The following MEGF8 variants were observed in gnomAD, a reference collection of about 807,000 sequenced individuals.
The protein encoded by MEGF8 is multiple EGF like domains 8.
MEGF8 carries 156 observed loss-of-function variants against 302.9 expected under a neutral mutation model. That is an observed-to-expected ratio of 0.52 (90% CI 0.45 to 0.59). MEGF8 has a LOEUF of 0.59. MEGF8 is among the 20% of genes least tolerant of loss of function. The pLI is 0.00. For synonymous variants in MEGF8, 1,621 were observed against 1,660.5 expected (o/e 0.98, Z 0.58); for missense variants, 3,345 against 3,964.5 (o/e 0.84, Z 4.20).
Position 42,358,314 on chromosome 19 carries a change from A to T in MEGF8, c.5175+7A>T. 1 of 1,597,190 alleles carries T rather than the reference A, an allele frequency of 6.3e-7. No individual in the cohort carries two copies. Among genetic ancestry groups the T allele is most frequent in the Non-Finnish European group, 8.5e-7 (1 of 1,172,342 alleles). ...CCCTTCTCAGGGGGCAAAGGTCAGG[A>T]AAAGAGGCTCAGACCCAAGGATGTA... On this transcript the variant is annotated splice_region_variant and intron_variant, in intron 29 of 41. Transcript: ENST00000251268. The surrounding 1 kb of genome is among the most constrained non-coding windows in gnomAD (Gnocchi z 4.4).
In MEGF8 at chr19:42,349,845, C is replaced by T. The variant is rs867827067; in HGVS notation, c.2499+146C>T. 6 of 814,648 alleles carry T rather than the reference C, an allele frequency of 7.4e-6. No individual in the cohort carries two copies. In the South Asian group the frequency reaches 1.0e-4, roughly 14 times the overall value. The allele number at this position is 814,648 out of a possible 1,614,324, so 50.5% of individuals were successfully genotyped here. ...CTCTTGGCCTCTGAACTCTGGACCTCCTCTTGAACCCTGTGGCCCCTGACC... is the reference window on the plus strand; with the variant it reads ...CTCTTGGCCTCTGAACTCTGGACCTTCTCTTGAACCCTGTGGCCCCTGACC... On this transcript the variant is annotated intron_variant, in intron 14 of 41. Transcript: ENST00000251268.
Position 42,326,115 on chromosome 19 carries a change from A to C in MEGF8, c.-129A>C. ...TCGCCGGGACTGCCGGGTCTCCGGG[A>C]CCTCTTCGATCTACAAGGTCATGTT... On this transcript the variant is annotated 5_prime_UTR_variant, in exon 1 of 42. Coordinates refer to ENST00000251268, the MANE Select transcript of MEGF8 (RefSeq NM_001271938.2). 7.4e-7 allele frequency: 1 copy of C among 1,345,492 alleles called. No homozygotes were observed. Among genetic ancestry groups the C allele is most frequent in the Non-Finnish European group, 9.6e-7 (1 of 1,045,608 alleles). 83.3% of individuals were successfully genotyped at this position (1,345,492 alleles called of 1,614,324 possible).
chr19:42,361,186 C>G (rs1369874203), intron 32 of MEGF8, among the ~76,000 whole-genome samples, 180 bp downstream of exon 32: 1 of 152,194 alleles, frequency 6.6e-6, no homozygotes, highest in Non-Finnish European at 1.5e-5. Flanking sequence ...GGACTGGGGT[C>G]TCATGCAAGA....
intron 1 of MEGF8, 94 bp from the exon 2 acceptor site, chr19:42,333,511 G>A (rs1009998767): frequency 7.3e-7 from 1 of 1,370,722 alleles, no homozygotes; most frequent in East Asian, 2.3e-5. Flanking sequence ...AGCATCACCT[G>A]GATCAGGGTT....
chr19:42,351,864 A>G lies in MEGF8; in HGVS notation c.3101+103A>G. 1 of 931,342 alleles carries G rather than the reference A, an allele frequency of 1.1e-6. No individual in the cohort carries two copies. Among genetic ancestry groups the G allele is most frequent in the East Asian group, 2.7e-5 (1 of 37,564 alleles). 57.7% of individuals were successfully genotyped at this position (931,342 alleles called of 1,614,324 possible). On this transcript the variant is annotated intron_variant, in intron 18 of 41. Transcript: ENST00000251268. This position sits in a 1 kb window ranked among gnomAD's most constrained non-coding sequence, Gnocchi z 5.6. The stretch of plus-strand genomic sequence containing the variant: ...GCTTCTCTGCCCTCTTGCCCATCCC[A>G]TGGCCACCTTCCCTTTTCCGTACTG...
rs773339356 is a variant in MEGF8, at chr19:42,368,913, C to T, written c.6552C>T (p.Asn2184=). The change falls in exon 37 of 42, where the codon AAC becomes AAT. Residue 2184 remains asparagine (N), a synonymous_variant. Transcript: ENST00000251268. This position sits in a 1 kb window ranked among gnomAD's most constrained non-coding sequence, Gnocchi z 4.9. ...GCCCCCCTGAGGACGAGTGTGCAAA[C>T]GGGCACCACGACTGCAACGAGACGC... ...LSCPPEDECA[N]GHHDCNETQN... The T allele has an allele frequency of 1.2e-5, 19 of 1,613,908 alleles. No homozygotes were observed. Among genetic ancestry groups the T allele is most frequent in the South Asian group, 2.2e-5 (2 of 91,090 alleles).
chr19:42,359,347 C>T (rs926469509), intron 31 of MEGF8, 105 bp downstream of exon 31: 9 of 1,080,332 alleles, frequency 8.3e-6, no homozygotes, highest in Non-Finnish European at 1.2e-6. Flanking sequence ...CCCTGCAGAC[C>T]CACTGGCAGA....
intron 1 of MEGF8, among the ~76,000 whole-genome samples, chr19:42,328,590 G>GTGTGT (rs57025235): frequency 4.0e-5 from 6 of 151,672 alleles, no homozygotes; most frequent in East Asian, 1.9e-4. Context: ...GTGTGTGTGT[G>GTGTGT]GCGAAGGGGT....
Position 42,344,301 on chromosome 19 carries a change from A to G in MEGF8, c.1789-140A>G, listed in dbSNP as rs1426872961. 5.2e-6 allele frequency: 5 copies of G among 968,302 alleles called. No homozygotes were observed. The African/African-American group carries it at 7.6e-5, about 15-fold the overall frequency. The allele number at this position is 968,302 out of a possible 1,614,324, so 60.0% of individuals were successfully genotyped here. A position where few individuals can be genotyped will look rare whatever the true frequency, so the allele number is the denominator to read the frequency against. ...CATCCCCGCATCCCCCGTCCTCTGG[A>G]TCTCCCACATTCCAAGTCAACTCCC... On this transcript the variant is annotated intron_variant, in intron 10 of 41. Transcript: ENST00000251268. This position sits in a 1 kb window ranked among gnomAD's most constrained non-coding sequence, Gnocchi z 4.5.
chr19:42,350,303 G>A lies in MEGF8; in HGVS notation c.2655G>A (p.Gly885=). The A allele has an allele frequency of 3.1e-6, 5 of 1,608,994 alleles. No individual in the cohort carries two copies. The South Asian group carries it at 3.3e-5, about 11-fold the overall frequency. The change falls in exon 15 of 42, where the codon GGG becomes GGA. Residue 885 remains glycine (G), a synonymous_variant. Coordinates refer to ENST00000251268, the MANE Select transcript of MEGF8 (RefSeq NM_001271938.2). ...GCGGAGCCCATTGCGGGGATGACGGGGCTGGTGGGTCCCTGCTGGTGCTGG... is the reference window on the plus strand; with the variant it reads ...GCGGAGCCCATTGCGGGGATGACGGAGCTGGTGGGTCCCTGCTGGTGCTGG... ...RQGGAHCGDD[G]AGGSLLVLVP... is the part of the protein sequence containing the mutation.
intron 12 of MEGF8, 42 bp from the exon 13 acceptor site, chr19:42,348,230 C>T: frequency 1.3e-6 from 2 of 1,495,138 alleles, no homozygotes; most frequent in Non-Finnish European, 1.8e-6. Context: ...GCCTGTGAGT[C>T]CAGAAAGGGA....
At chr19:42,343,729 G>A in intron 9 of MEGF8, 98 bp downstream of exon 9, 5 of 1,428,514 alleles carry the variant, frequency 3.5e-6, no homozygotes, top group Non-Finnish European at 4.7e-6. Flanking sequence ...CTGGGAGAAG[G>A]AGTGGGGATC....
At chr19:42,346,250 C>T (rs1193271917) in intron 12 of MEGF8, among the ~76,000 whole-genome samples, 1 of 152,154 alleles carries the variant, frequency 6.6e-6, no homozygotes, top group African/African-American at 2.4e-5. Flanking sequence ...TCAAAAATCA[C>T]AGTGACATCA....
intron 8 of MEGF8, among the ~76,000 whole-genome samples, chr19:42,337,514 T>C (rs2039145853): frequency 6.7e-6 from 1 of 149,576 alleles, no homozygotes; most frequent in African/African-American, 2.4e-5. Context: ...TTCTTTTTTT[T>C]TTTTTTTTTT....
intron 8 of MEGF8, 79 bp from the exon 9 acceptor site, chr19:42,343,398 G>A (rs997870555): frequency 1.3e-4 from 192 of 1,476,534 alleles, no homozygotes; most frequent in Non-Finnish European, 1.7e-4. Flanking sequence ...CTGGGCTGTG[G>A]CCCAGGAGAA....
rs183401048 is a variant in MEGF8 at position 42,348,608 on chromosome 19, G to T, written c.2298+136G>T. On this transcript the variant is annotated intron_variant, in intron 13 of 41. Transcript: ENST00000251268. Reference sequence around the variant, plus strand: ...ATTAGAGGCAGGAGATGGATTTTTTGTGTGTGTGTAAGACAGAGTCTCACT... The same window carrying T: ...ATTAGAGGCAGGAGATGGATTTTTTTTGTGTGTGTAAGACAGAGTCTCACT... The T allele has an allele frequency of 2.4e-3, 2,123 of 866,750 alleles. 7 individuals carry two copies. Among genetic ancestry groups the T allele is most frequent in the Admixed American group, 3.7e-3 (126 of 33,986 alleles). The allele number at this position is 866,750 out of a possible 1,614,324, so 53.7% of individuals were successfully genotyped here.
chr19:42,350,820 C>T (rs2039358077), intron 15 of MEGF8, among the ~76,000 whole-genome samples: 1 of 152,180 alleles, frequency 6.6e-6, no homozygotes, highest in Non-Finnish European at 1.5e-5. Flanking sequence ...TCCTATTTCT[C>T]TCCCCCCACC....
rs375542488 is a variant in MEGF8 at position 42,335,231 on chromosome 19, G to A, written c.739+16G>A. ...GTTTTCGGAGGTGAGCAGATGGGGCGAGTATCTGGGATCTGGAGGCCCGGC... is the reference window on the plus strand; with the variant it reads ...GTTTTCGGAGGTGAGCAGATGGGGCAAGTATCTGGGATCTGGAGGCCCGGC... On this transcript the variant is annotated intron_variant, in intron 4 of 41. Coordinates refer to ENST00000251268, the MANE Select transcript of MEGF8 (RefSeq NM_001271938.2). 6.2e-7 allele frequency: 1 copy of A among 1,613,992 alleles called. No homozygotes were observed. The highest frequency in any genetic ancestry group is 1.1e-5 in the South Asian group (1 of 91,080).
Position 42,354,627 on chromosome 19 carries a change from C to G in MEGF8, c.4051C>G (p.Leu1351Val). The G allele has an allele frequency of 6.2e-7, 1 of 1,613,112 alleles. No individual in the cohort carries two copies. Among genetic ancestry groups the G allele is most frequent in the Non-Finnish European group, 8.5e-7 (1 of 1,179,806 alleles). The part of the protein sequence containing the change: ...VLAFDGFPRF[L>V]DTGVVQSDRS... The stretch of plus-strand genomic sequence containing the variant: ...GGCGTTTGATGGATTCCCACGCTTC[C>G]TGGACACTGGTGTTGTCCAGTCGGA... Residue 1351 changes from leucine (L) to valine (V), a missense_variant, in exon 23 of 42, where the codon CTG becomes GTG. By Grantham distance (32) the Leu-to-Val change is conservative (BLOSUM62 1). Coordinates refer to ENST00000251268, the MANE Select transcript of MEGF8 (RefSeq NM_001271938.2). This position sits in a 1 kb window ranked among gnomAD's most constrained non-coding sequence, Gnocchi z 4.3.
Sources: gnomAD v4.1 joint callset for allele counts (sites outside exome capture counted in the v4.1 genomes callset) on GRCh38, gnomAD v4.1.1 for gene constraint, Gnocchi (gnomAD v3.1) non-coding constraint, MANE v1.5 for transcripts, NCBI Gene and HGNC (gene_info 2026-07-23, HGNC 2026-07-21) for gene names.